The following SLC35F4 variants were observed in gnomAD, a reference collection of about 807,000 sequenced individuals.
SLC35F4 encodes chromosome 14 open reading frame 36.
In SLC35F4, 24 loss-of-function variants were observed where a neutral mutation model predicts 44.2. That is an observed-to-expected ratio of 0.54 (90% CI 0.39 to 0.76). The LOEUF is 0.76. Among genes scored for constraint, SLC35F4 ranks in the 30% least tolerant of loss-of-function variants. The pLI, the probability that SLC35F4 is intolerant of heterozygous loss-of-function variation, is 0.00. For missense variants in SLC35F4, 562 were observed against 586.1 expected (o/e 0.96, Z 0.42); for synonymous variants, 238 against 223.6 (o/e 1.06, Z -0.57).
chr14:57,617,597 A>T (rs1346215819), intron 1 of SLC35F4, among the ~76,000 whole-genome samples: 2 of 152,114 alleles, frequency 1.3e-5, no homozygotes, highest in Non-Finnish European at 2.9e-5. Flanking sequence ...GCTGTGAATA[A>T]TGATGACCCT....
rs557638659 is a variant in SLC35F4, at chr14:57,600,646, C to T, written c.104-6522G>A. Among the ~76,000 whole-genome samples the T allele has an allele frequency of 7.0e-3, 849 of 121,676 alleles. 7 individuals carry two copies. The highest frequency in any genetic ancestry group is 0.024 in the African/African-American group (793 of 32,396). 79.8% of individuals were successfully genotyped at this position (121,676 alleles called of 152,430 possible). A position where few individuals can be genotyped will look rare whatever the true frequency, so the allele number is the denominator to read the frequency against. On this transcript the variant is annotated intron_variant, in intron 1 of 7. Coordinates refer to ENST00000556826, the MANE Select transcript of SLC35F4 (RefSeq NM_001306087.2). ...GGCGGAGCTTGCAGTGAGCCGAGATCCCGCCACTGCACTCCAGCCTGGGCG... is the reference window on the plus strand; with the variant it reads ...GGCGGAGCTTGCAGTGAGCCGAGATTCCGCCACTGCACTCCAGCCTGGGCG...
At chr14:57,825,220 C>A (rs576453235) in intron 1 of SLC35F4, among the ~76,000 whole-genome samples, 3 of 151,906 alleles carry the variant, frequency 2.0e-5, no homozygotes, top group Non-Finnish European at 4.4e-5. Context: ...AGGTTTCAGG[C>A]GAATACTTCA....
At chr14:57,737,866 G>T (rs888425144) in intron 1 of SLC35F4, among the ~76,000 whole-genome samples, 1 of 152,084 alleles carries the variant, frequency 6.6e-6, no homozygotes, top group Non-Finnish European at 1.5e-5. Context: ...GCAACTAATT[G>T]GATCTTCAAC....
At chr14:57,589,560 ACAG>A in intron 2 of SLC35F4, 47 bp from the exon 3 acceptor site, 1 of 1,520,292 alleles carries the variant, frequency 6.6e-7, no homozygotes, top group African/African-American at 1.4e-5. Flanking sequence ...AGGTTATGAA[ACAG>A]CAATCAAATA....
intron 1 of SLC35F4, among the ~76,000 whole-genome samples, chr14:57,627,847 T>C (rs917071356): frequency 6.6e-6 from 1 of 152,094 alleles, no homozygotes; most frequent in African/African-American, 2.4e-5. Context: ...TCTTTAAGAT[T>C]GAATGTTAGT....
intron 1 of SLC35F4, among the ~76,000 whole-genome samples, chr14:57,847,313 T>C (rs112559478): frequency 1.3e-5 from 2 of 151,888 alleles, no homozygotes; most frequent in African/African-American, 2.4e-5. Flanking sequence ...TGCCTTGGGA[T>C]TTTTTTTCAC....
intron 1 of SLC35F4, among the ~76,000 whole-genome samples, chr14:57,855,236 A>C (rs1217076916): frequency 6.6e-6 from 1 of 152,240 alleles, no homozygotes; most frequent in East Asian, 1.9e-4. Context: ...AACTATCATC[A>C]GAGTAAACAG....
chr14:57,568,789 C>G (rs187105397), intron 6 of SLC35F4, among the ~76,000 whole-genome samples: 3 of 152,196 alleles, frequency 2.0e-5, no homozygotes, highest in Non-Finnish European at 4.4e-5. Context: ...TTCTGCAGGT[C>G]GAGCATTGTG....
At chr14:57,948,045 G>T (rs938426160) in intron 1 of SLC35F4, among the ~76,000 whole-genome samples, 8 of 152,006 alleles carry the variant, frequency 5.3e-5, no homozygotes, top group African/African-American at 1.7e-4. Flanking sequence ...TTTATGGAAT[G>T]ATTTGAGATG....
chr14:57,800,547 G>C (rs1048655623), intron 1 of SLC35F4, among the ~76,000 whole-genome samples: 13 of 151,968 alleles, frequency 8.6e-5, no homozygotes, highest in African/African-American at 3.1e-4. Context: ...GGCTTCAGAA[G>C]GGGGGTAATA....
At chr14:57,905,276 A>G (rs955342073) in intron 1 of SLC35F4, among the ~76,000 whole-genome samples, 1 of 152,220 alleles carries the variant, frequency 6.6e-6, no homozygotes, top group Non-Finnish European at 1.5e-5. Flanking sequence ...ATGTCCTCAT[A>G]TAATGGCTGG....
At chr14:57,659,154 A>G (rs1009079230) in intron 1 of SLC35F4, among the ~76,000 whole-genome samples, 7 of 152,206 alleles carry the variant, frequency 4.6e-5, no homozygotes, top group Admixed American at 2.0e-4. Flanking sequence ...TTAATTACCA[A>G]GGAAACTCAA....
chr14:57,944,735 G>GAAAGAAAGA (rs1889986726), intron 1 of SLC35F4, among the ~76,000 whole-genome samples: 1 of 129,924 alleles, frequency 7.7e-6, no homozygotes, highest in South Asian at 2.5e-4. Context: ...AAGAAAGAAA[G>GAAAGAAAGA]AAAGAAAGAA....
chr14:57,621,761 G>A (rs1308652482), intron 1 of SLC35F4, among the ~76,000 whole-genome samples: 9 of 150,574 alleles, frequency 6.0e-5, no homozygotes, highest in African/African-American at 1.9e-4. Context: ...GCATGGGCAA[G>A]GACTTCATGT....
chr14:57,750,666 T>C (rs1367367883), intron 1 of SLC35F4, among the ~76,000 whole-genome samples: 2 of 152,228 alleles, frequency 1.3e-5, no homozygotes, highest in Non-Finnish European at 2.9e-5. Context: ...GTTGGCCATT[T>C]GTATGTCTTC....
chr14:57,727,043 C>T (rs998074562), intron 1 of SLC35F4, among the ~76,000 whole-genome samples: 24 of 152,066 alleles, frequency 1.6e-4, no homozygotes, highest in Non-Finnish European at 2.4e-4. Context: ...TGGACTGGCT[C>T]TCCTTGCTGC....
chr14:57,780,674 G>T (rs1216949251), intron 1 of SLC35F4, among the ~76,000 whole-genome samples: 1 of 152,052 alleles, frequency 6.6e-6, no homozygotes, highest in East Asian at 1.9e-4. Context: ...CACACTACTT[G>T]ACTTGAAACT....
At chr14:57,651,923 C>T (rs1257447009) in intron 1 of SLC35F4, among the ~76,000 whole-genome samples, 1 of 152,172 alleles carries the variant, frequency 6.6e-6, no homozygotes, top group Non-Finnish European at 1.5e-5. Context: ...ACAGCAGCAA[C>T]AGCCAGAGGG....
intron 1 of SLC35F4, among the ~76,000 whole-genome samples, chr14:57,711,888 T>C (rs1304888229): frequency 6.6e-6 from 1 of 152,188 alleles, no homozygotes; most frequent in Non-Finnish European, 1.5e-5. Flanking sequence ...TTCAGTGAAG[T>C]GAGAGTTTAG....
Sources: allele counts gnomAD v4.1 joint callset (sites outside exome capture counted in the v4.1 genomes callset), GRCh38; gene constraint gnomAD v4.1.1; transcripts MANE v1.5; gene names NCBI Gene and HGNC (gene_info 2026-07-23, HGNC 2026-07-21).